Variants in REPS2 observed in about 807,000 individuals in gnomAD.
REPS2 encodes the protein RALBP1 associated Eps domain containing 2.
In REPS2, 23 loss-of-function variants were observed where a neutral mutation model predicts 53.6. The ratio of observed to expected loss-of-function variants is 0.43; its 90% CI spans 0.31 to 0.61. The LOEUF (loss-of-function observed/expected upper bound fraction) is 0.61, where lower values mean the gene tolerates loss of function less well. Among genes scored for constraint, REPS2 ranks in the 20% least tolerant of loss-of-function variants. The pLI, the probability that REPS2 is intolerant of heterozygous loss-of-function variation, is 0.11. For synonymous variants in REPS2, 238 were observed against 218.6 expected (o/e 1.09, Z -0.78); for missense variants, 446 against 534.9 (o/e 0.83, Z 1.64).
At chrX:17,156,525 A>C (rs1336952133), downstream of REPS2, among the ~76,000 whole-genome samples, 1 of 110,827 alleles carries the variant, frequency 9.0e-6, no homozygotes, top group Non-Finnish European at 1.9e-5. Context: ...CATTGTTTAG[A>C]CTTAACGGGT....
chrX:17,080,775 A>G (rs768201295), intron 13 of REPS2, among the ~76,000 whole-genome samples: 14 of 112,387 alleles, frequency 1.2e-4, no homozygotes, highest in African/African-American at 4.2e-4. Flanking sequence ...GTTATTGGCC[A>G]TAAATATTCC....
chrX:17,188,440 A>T, the REPS2 span, among the ~76,000 whole-genome samples: 1 of 111,918 alleles, frequency 8.9e-6, no homozygotes, highest in African/African-American at 3.3e-5. Context: ...GTACTCAAGG[A>T]CATCCCCAGC....
chrX:17,086,030 T>C (rs1211258546), intron 13 of REPS2, among the ~76,000 whole-genome samples: 1 of 112,220 alleles, frequency 8.9e-6, no homozygotes, highest in Non-Finnish European at 1.9e-5. Context: ...TGCACTTGTT[T>C]TGGCATATTT....
chrX:17,070,669 T>C (rs1485450976), intron 11 of REPS2, among the ~76,000 whole-genome samples: 1 of 112,270 alleles, frequency 8.9e-6, no homozygotes, highest in Non-Finnish European at 1.9e-5. Context: ...AAGTTGTTGC[T>C]TTCTCTTTTG....
chrX:16,972,736 G>T (rs1400823716), intron 1 of REPS2, among the ~76,000 whole-genome samples: 3 of 111,665 alleles, frequency 2.7e-5, no homozygotes, highest in Non-Finnish European at 5.6e-5. Context: ...TAGGAGTGGA[G>T]GTTAACCTGT....
the REPS2 span, among the ~76,000 whole-genome samples, chrX:17,174,972 G>T: frequency 1.8e-5 from 2 of 112,772 alleles, no homozygotes; most frequent in Admixed American, 1.9e-4. Flanking sequence ...TGTCTTTGGG[G>T]CCAGGCCAGC....
chrX:17,088,109 G>T (rs761064153), intron 13 of REPS2, among the ~76,000 whole-genome samples: 1 of 111,098 alleles, frequency 9.0e-6, no homozygotes, highest in South Asian at 3.8e-4. Context: ...ATTATTCAGC[G>T]CTAATGAAAG....
chrX:17,026,914 A>G (rs2147859647), intron 4 of REPS2, among the ~76,000 whole-genome samples: 1 of 111,181 alleles, frequency 9.0e-6, no homozygotes, highest in Non-Finnish European at 1.9e-5. Context: ...CAGCCTCCTG[A>G]GTTGGTGGGA....
chrX:16,965,177 A>C (rs866797973), intron 1 of REPS2, among the ~76,000 whole-genome samples: 444 of 45,231 alleles, frequency 9.8e-3, no homozygotes, highest in South Asian at 0.018. Context: ...GGCGGCTGGC[A>C]GGGCAGAGTG....
At chrX:17,095,461 G>A (rs186734251) in intron 13 of REPS2, among the ~76,000 whole-genome samples, 2 of 109,414 alleles carry the variant, frequency 1.8e-5, no homozygotes, top group East Asian at 5.7e-4. Context: ...GCTGGAGTGA[G>A]AAACATGCTG....
intron 5 of REPS2, among the ~76,000 whole-genome samples, chrX:17,036,775 A>G (rs1241213091): frequency 1.8e-5 from 2 of 111,325 alleles, no homozygotes; most frequent in Admixed American, 1.9e-4. Flanking sequence ...CAGCTAAATT[A>G]TGTTCCTTTC....
At chrX:16,967,885 G>C (rs1416367198) in intron 1 of REPS2, among the ~76,000 whole-genome samples, 4 of 104,661 alleles carry the variant, frequency 3.8e-5, no homozygotes, top group South Asian at 4.4e-4. Flanking sequence ...GGTGTTTCTC[G>C]CAGAGGGGGA....
At chrX:17,156,476 A>G (rs1029654563), downstream of REPS2, among the ~76,000 whole-genome samples, 2 of 110,705 alleles carry the variant, frequency 1.8e-5, no homozygotes, top group Admixed American at 1.9e-4. Flanking sequence ...ATGTAGACCA[A>G]CAAAATATTT....
intron 13 of REPS2, 27 bp downstream of exon 13, chrX:17,077,434 C>T (rs1260564830): frequency 8.7e-7 from 1 of 1,155,190 alleles, no homozygotes; most frequent in South Asian, 2.1e-5. Context: ...CCCCTGAGCC[C>T]TTCCATTTCC....
intron 1 of REPS2, among the ~76,000 whole-genome samples, chrX:16,994,363 A>G (rs1050770479): frequency 1.3e-5 from 1 of 77,794 alleles, no homozygotes; most frequent in African/African-American, 5.8e-5. Flanking sequence ...ACACACGTAC[A>G]TATATATACA....
chrX:17,122,111 A>T (rs2063149553), intron 14 of REPS2, among the ~76,000 whole-genome samples: 2 of 111,030 alleles, frequency 1.8e-5, no homozygotes, highest in Admixed American at 1.9e-4. Context: ...TTTAATGTGC[A>T]ACTCAATTTT....
At chrX:17,022,353 T>G in intron 3 of REPS2, 82 bp downstream of exon 3, 2 of 910,432 alleles carry the variant, frequency 2.2e-6, no homozygotes, top group Non-Finnish European at 3.0e-6. Context: ...CTGTTCAGCT[T>G]CCAGCAAATC....
At chrX:17,114,084 A>G (rs190885890) in intron 14 of REPS2, among the ~76,000 whole-genome samples, 1 of 111,662 alleles carries the variant, frequency 9.0e-6, no homozygotes, top group East Asian at 2.8e-4. Flanking sequence ...TGTACCACAT[A>G]AGTATATGGT....
chrX:17,177,083 G>A, the REPS2 span, among the ~76,000 whole-genome samples: 1 of 112,140 alleles, frequency 8.9e-6, no homozygotes, highest in Non-Finnish European at 1.9e-5. Context: ...AGCAGGATCT[G>A]TGCTACCAAG....
Sources: allele counts gnomAD v4.1 joint callset (sites outside exome capture counted in the v4.1 genomes callset), GRCh38; gene constraint gnomAD v4.1.1; transcripts MANE v1.5; gene names NCBI Gene and HGNC (gene_info 2026-07-23, HGNC 2026-07-21).